Variants in AMZ1 observed in about 807,000 individuals in gnomAD.
AMZ1 encodes archaemetzincin-1.
Under a neutral mutation model 29.9 loss-of-function variants are expected in AMZ1, and 39 were observed. The observed-to-expected ratio is 1.30, with a 90% CI of 1.01 to 1.70. The LOEUF is 1.70. Ranked by LOEUF, AMZ1 falls within the 40% of genes most tolerant of loss-of-function variation. The pLI, the probability that AMZ1 is intolerant of heterozygous loss-of-function variation, is 0.00. For synonymous variants in AMZ1, 458 were observed against 304.0 expected, an observed-to-expected ratio of 1.51 and a Z score of -5.27; for missense variants, 1,041 against 680.6, an observed-to-expected ratio of 1.53 and a Z score of -5.89.
chr7:2,696,484 C>G (rs1469513505), intron 1 of AMZ1, among the ~76,000 whole-genome samples: 5 of 150,358 alleles, frequency 3.3e-5, no homozygotes, highest in African/African-American at 1.2e-4. Context: ...GTCTCGATCT[C>G]CTGACCTCGT....
At chr7:2,760,419 T>C (rs1168954270), upstream of AMZ1, 1 of 152,498 alleles carries the variant, frequency 6.6e-6, no homozygotes, top group Non-Finnish European at 1.5e-5. Flanking sequence ...AAGCAATCAA[T>C]GTCAGTGGTC....
chr7:2,731,824 C>CA lies in AMZ1; in HGVS notation n.550+22013dup. ...AGAGAAAATAGAAACAAAAAGATGG[C>CA]AAAAAGATAAGAAGGAAAGAGACTG... is the stretch of plus-strand genomic sequence containing the variant. On this transcript the variant is annotated intron_variant and non_coding_transcript_variant, in intron 4 of 4. Transcript: ENST00000489665. The surrounding 1 kb of genome is among the most constrained non-coding windows in gnomAD (Gnocchi z 6.0). 1 of 776,100 alleles carries CA rather than the reference C, an allele frequency of 1.3e-6. No individual in the cohort carries two copies. The highest frequency in any genetic ancestry group is 1.9e-6 in the Non-Finnish European group (1 of 519,598). 48.1% of individuals were successfully genotyped at this position (776,100 alleles called of 1,614,324 possible).
chr7:2,736,724 G>A (rs1562394224), intron 4 of AMZ1, among the ~76,000 whole-genome samples: 1 of 152,326 alleles, frequency 6.6e-6, no homozygotes, highest in East Asian at 1.9e-4. Context: ...CCACACCTCC[G>A]GTGGGAGAAA....
intron 2 of AMZ1, 142 bp downstream of exon 2, chr7:2,700,897 G>A: frequency 8.4e-7 from 1 of 1,193,700 alleles, no homozygotes; most frequent in Non-Finnish European, 1.1e-6. Flanking sequence ...CAGGGTGGAG[G>A]CAGGGAGGTC....
At chr7:2,729,401 G>A (rs939711299) in intron 4 of AMZ1, 5 of 152,384 alleles carry the variant, frequency 3.3e-5, no homozygotes, top group African/African-American at 1.2e-4. Flanking sequence ...GGTCTGTGAA[G>A]AGCCACAGAA....
downstream of AMZ1, among the ~76,000 whole-genome samples, chr7:2,720,758 C>T (rs1789386018): frequency 6.6e-6 from 1 of 152,018 alleles, no homozygotes; most frequent in Non-Finnish European, 1.5e-5. Flanking sequence ...CCAGGCTTAT[C>T]TCAAATGCCT....
chr7:2,713,342 T>G lies in AMZ1; in HGVS notation c.*464T>G. On this transcript the variant is annotated 3_prime_UTR_variant, in exon 7 of 7. Transcript: ENST00000683327. Reference sequence around the variant, plus strand: ...AGCCGCTCCCAGGGGCCTGCACACATGGAGAGGCCTCCCTGATCCTGGGTG... The same window carrying G: ...AGCCGCTCCCAGGGGCCTGCACACAGGGAGAGGCCTCCCTGATCCTGGGTG... The G allele has an allele frequency of 6.5e-6, 1 of 152,908 alleles. No individual in the cohort carries two copies. The highest frequency in any genetic ancestry group is 1.9e-4 in the East Asian group (1 of 5,322). The allele number at this position is 152,908 out of a possible 1,614,324, so 9.5% of individuals were successfully genotyped here.
In AMZ1 at chr7:2,716,229, C is replaced by G. The variant is rs963882612; in HGVS notation, c.*3351C>G. On this transcript the variant is annotated 3_prime_UTR_variant, in exon 7 of 7. Coordinates refer to ENST00000683327, the MANE Select transcript of AMZ1 (RefSeq NM_001384743.1). Reference sequence around the variant, plus strand: ...GAAGGGGTGAGAAGCAGTGTCCCCTCTGAGGCAAATCTCTCTTCAGGCAGC... The same window carrying G: ...GAAGGGGTGAGAAGCAGTGTCCCCTGTGAGGCAAATCTCTCTTCAGGCAGC... The G allele has an allele frequency of 6.6e-6, 1 of 152,282 alleles. No homozygotes were observed. Among genetic ancestry groups the G allele is most frequent in the Non-Finnish European group, 1.5e-5 (1 of 68,078 alleles). 9.4% of individuals were successfully genotyped at this position (152,282 alleles called of 1,614,324 possible). A position where few individuals can be genotyped will look rare whatever the true frequency, so the allele number is the denominator to read the frequency against.
Position 2,713,024 on chromosome 7 carries a change from G to A in AMZ1, c.*146G>A. ...GGCCTGTCATCCCATCACTTTGAGA[G>A]GCCAGGAGTTTGAGACCAGACTGGG... is the stretch of plus-strand genomic sequence containing the variant. On this transcript the variant is annotated 3_prime_UTR_variant, in exon 7 of 7. Transcript: ENST00000683327. 1 of 910,474 alleles carries A rather than the reference G, an allele frequency of 1.1e-6. No homozygotes were observed. Among genetic ancestry groups the A allele is most frequent in the Non-Finnish European group, 1.5e-6 (1 of 663,468 alleles). The allele number at this position is 910,474 out of a possible 1,614,324, so 56.4% of individuals were successfully genotyped here. A position where few individuals can be genotyped will look rare whatever the true frequency, so the allele number is the denominator to read the frequency against.
intron 4 of AMZ1, among the ~76,000 whole-genome samples, chr7:2,750,945 G>A (rs1791005317): frequency 6.6e-6 from 1 of 152,174 alleles, no homozygotes; most frequent in Non-Finnish European, 1.5e-5. Context: ...GCACACTCCA[G>A]GAGTGGTACC....
rs117208752 is a variant in AMZ1 at position 2,713,692 on chromosome 7, G to A, written c.*814G>A. On this transcript the variant is annotated 3_prime_UTR_variant, in exon 7 of 7. Coordinates refer to ENST00000683327, the MANE Select transcript of AMZ1 (RefSeq NM_001384743.1). Reference sequence around the variant, plus strand: ...GCGCTAACAGCATCCTGATCCTGACGGACTTCACCGGGGCTCTCCAGGCAT... The same window carrying A: ...GCGCTAACAGCATCCTGATCCTGACAGACTTCACCGGGGCTCTCCAGGCAT... The A allele has an allele frequency of 0.012, 1,805 of 152,630 alleles. 10 individuals are homozygous for A. Among genetic ancestry groups the A allele is most frequent in the Middle Eastern group, 0.024 (7 of 296 alleles). The allele number at this position is 152,630 out of a possible 1,614,324, so 9.5% of individuals were successfully genotyped here. A position where few individuals can be genotyped will look rare whatever the true frequency, so the allele number is the denominator to read the frequency against.
At chr7:2,724,308 GAGA>G (rs1267914465), downstream of AMZ1, among the ~76,000 whole-genome samples, 9 of 152,246 alleles carry the variant, frequency 5.9e-5, no homozygotes, top group Non-Finnish European at 8.8e-5. Context: ...GCGACCTGTC[GAGA>G]AGATGTGGTC....
chr7:2,743,673 G>A (rs1376166559), intron 4 of AMZ1, among the ~76,000 whole-genome samples: 5 of 152,174 alleles, frequency 3.3e-5, no homozygotes, highest in Non-Finnish European at 5.9e-5. Context: ...TCACTGGGGT[G>A]TGCCAGACAG....
intron 5 of AMZ1, 124 bp from the exon 6 acceptor site, chr7:2,709,514 CTG>C: frequency 7.1e-7 from 1 of 1,417,192 alleles, no homozygotes; most frequent in Non-Finnish European, 9.4e-7. Context: ...GGGAGGGCGC[CTG>C]GACCACCTCC....
intron 4 of AMZ1, among the ~76,000 whole-genome samples, chr7:2,744,081 C>G (rs891021511): frequency 4.6e-5 from 7 of 152,232 alleles, no homozygotes; most frequent in African/African-American, 2.4e-5. Context: ...TCTGTAGGTT[C>G]CCCCTCTGGG....
chr7:2,697,098 A>T (rs945019811), intron 1 of AMZ1, among the ~76,000 whole-genome samples: 1 of 152,156 alleles, frequency 6.6e-6, no homozygotes, highest in African/African-American at 2.4e-5. Context: ...TGAAAGTAGC[A>T]TTTTAATTTA....
intron 1 of AMZ1, among the ~76,000 whole-genome samples, chr7:2,698,718 C>A (rs1265182143): frequency 6.6e-6 from 1 of 152,032 alleles, no homozygotes; most frequent in Non-Finnish European, 1.5e-5. Flanking sequence ...ACTTTGTATT[C>A]CCAGCTACTT....
chr7:2,740,771 G>A (rs1047143672), intron 4 of AMZ1, among the ~76,000 whole-genome samples: 7 of 152,140 alleles, frequency 4.6e-5, no homozygotes, highest in African/African-American at 1.2e-4. Context: ...AGGGCTCGCC[G>A]CGGTGACTCA....
At position 2,718,590 on chromosome 7, in the gene AMZ1, T is replaced by C. The variant is rs798561; in HGVS notation, c.*5712T>C. ...CGCGGCTGACGGCTCCCGGGGGCAG[T>C]GTGGGGTCCAGTCTGAAGCCGACGC... is the stretch of plus-strand genomic sequence containing the variant. On this transcript the variant is annotated 3_prime_UTR_variant, in exon 7 of 7. Transcript: ENST00000683327. Among the ~76,000 whole-genome samples the C allele has an allele frequency of 0.57, 87,022 of 152,122 alleles. 25,259 individuals carry two copies. Among genetic ancestry groups the C allele is most frequent in the African/African-American group, 0.63 (26,190 of 41,512 alleles).
Sources: allele counts gnomAD v4.1 joint callset (sites outside exome capture counted in the v4.1 genomes callset), GRCh38; gene constraint gnomAD v4.1.1; non-coding constraint Gnocchi (gnomAD v3.1); transcripts MANE v1.5; gene names NCBI Gene and HGNC (gene_info 2026-07-23, HGNC 2026-07-21).